FKBP8: variants seen among roughly 807,000 people sequenced by gnomAD.
The protein encoded by FKBP8 is FKBP prolyl isomerase 8.
In FKBP8, 5 loss-of-function variants were observed where a neutral mutation model predicts 41.7. The observed-to-expected ratio is 0.12, with a 90% confidence interval of 0.06 to 0.25. FKBP8 has a LOEUF of 0.25. Ranked by LOEUF, FKBP8 falls within the 10% of genes least tolerant of loss-of-function variation. The pLI, the probability that FKBP8 is intolerant of heterozygous loss-of-function variation, is 1.00. For missense variants in FKBP8, 397 were observed against 563.0 expected, an observed-to-expected ratio of 0.71 and a Z score of 2.98; for synonymous variants, 279 against 254.5, an observed-to-expected ratio of 1.10 and a Z score of -0.92.
At chr19:18,535,997 T>G (rs1976566680) in intron 6 of FKBP8, 3 of 151,794 alleles carry the variant, frequency 2.0e-5, no homozygotes. Flanking sequence ...AGGTCCAAAC[T>G]TGTATGAAGC....
chr19:18,532,993 A>G (rs1403096350), intron 7 of FKBP8, 198 bp from the exon 8 acceptor site: 12 of 898,272 alleles, frequency 1.3e-5, no homozygotes, highest in South Asian at 1.8e-5. Flanking sequence ...CGCAGAGCAC[A>G]AGGTAGCCAG....
chr19:18,540,338 T>C (rs925677238), intron 2 of FKBP8, among the ~76,000 whole-genome samples: 1 of 152,122 alleles, frequency 6.6e-6, no homozygotes, highest in African/African-American at 2.4e-5. Context: ...TGGTGGCTCA[T>C]GCCTGTAATC....
rs11541427 is a variant in FKBP8, at chr19:18,541,815, C to T, written c.156G>A (p.Leu52=). ...GTTGTCCCATGTCCTCCAGCGGTGGCAGCTCACTCAGGTCATCCTCTTCCT... is the reference window on the plus strand; with the variant it reads ...GTTGTCCCATGTCCTCCAGCGGTGGTAGCTCACTCAGGTCATCCTCTTCCT... ...EEEEEDDLSE[L]PPLEDMGQPP... Residue 52 remains leucine (L), a synonymous_variant, in exon 2 of 9, where the codon CTG becomes CTA. Transcript: ENST00000608443. 1.2e-6 allele frequency: 2 copies of T among 1,613,666 alleles called. No individual in the cohort carries two copies. Among genetic ancestry groups the T allele is most frequent in the Non-Finnish European group, 8.5e-7 (1 of 1,179,808 alleles).
At position 18,538,476 on chromosome 19, in the gene FKBP8, G is replaced by A; in HGVS notation, c.552-40C>T. On this transcript the variant is annotated intron_variant, in intron 4 of 8. Coordinates refer to ENST00000608443, the MANE Select transcript of FKBP8 (RefSeq NM_012181.5). The surrounding 1 kb of genome is among the most constrained non-coding windows in gnomAD (Gnocchi z 4.0). ...GCAGGCAGGGGCAGCACTCAGACCT[G>A]GTGACCCCTAAACCCGCTGGGCTGG... 1 of 1,565,456 alleles carries A rather than the reference G, an allele frequency of 6.4e-7. No homozygotes were observed. The highest frequency in any genetic ancestry group is 8.7e-7 in the Non-Finnish European group (1 of 1,150,312).
At chr19:18,532,832 C>G in intron 7 of FKBP8, 37 bp from the exon 8 acceptor site, 5 of 1,608,262 alleles carry the variant, frequency 3.1e-6, no homozygotes, top group Non-Finnish European at 4.2e-6. Flanking sequence ...CACGCAGCGG[C>G]CAACCTGTCA....
intron 6 of FKBP8, among the ~76,000 whole-genome samples, chr19:18,534,849 A>G (rs1976535168): frequency 6.6e-6 from 1 of 152,038 alleles, no homozygotes; most frequent in Non-Finnish European, 1.5e-5. Flanking sequence ...GTGCAGTGGC[A>G]CGATCTTGGC....
intron 4 of FKBP8, 44 bp downstream of exon 4, chr19:18,539,327 C>T (rs1376976975): frequency 6.5e-7 from 1 of 1,542,416 alleles, no homozygotes; most frequent in South Asian, 1.2e-5. Flanking sequence ...TCCACCCATC[C>T]CCCTCCTGAG....
At position 18,532,208 on chromosome 19, in the gene FKBP8, C is replaced by A. The variant is rs754142498; in HGVS notation, c.1203G>T (p.Gly401=). The A allele has an allele frequency of 1.2e-6, 2 of 1,610,004 alleles. No individual in the cohort carries two copies. The highest frequency in any genetic ancestry group is 2.2e-5 in the South Asian group (2 of 89,878). The stretch of plus-strand genomic sequence containing the variant: ...CGATGACCACAGAGAGTGCCACACC[C>A]CCCAAGGCAACAGCAGTCGCCCCAA... ...WLFGATAVAL[G]GVALSVVIAA... The change falls in exon 9 of 9, where the codon GGG becomes GGT. Residue 401 remains glycine (G), a synonymous_variant. Coordinates refer to ENST00000608443, the MANE Select transcript of FKBP8 (RefSeq NM_012181.5).
chr19:18,539,770 C>A lies in FKBP8; in HGVS notation c.293-50G>T, dbSNP rs376341358. The stretch of plus-strand genomic sequence containing the variant: ...CCTGTCACCTGGCAGCTCAAACAGG[C>A]ACCCGCTCCCCTGAGCCCCCACTCC... On this transcript the variant is annotated intron_variant, in intron 2 of 8. Transcript: ENST00000608443. The A allele has an allele frequency of 3.1e-6, 5 of 1,589,768 alleles. No homozygotes were observed. In the Admixed American group the frequency reaches 8.4e-5, roughly 27 times the overall value.
intron 3 of FKBP8, 33 bp downstream of exon 3, chr19:18,539,518 C>T (rs764989413): frequency 2.5e-6 from 4 of 1,611,274 alleles, no homozygotes; most frequent in East Asian, 2.2e-5. Flanking sequence ...AGGCACGCCC[C>T]TCGCCCCTGC....
In FKBP8 at chr19:18,532,147, G is replaced by C. The variant is rs762295462; in HGVS notation, c.*22C>G. 8 of 1,567,614 alleles carry C rather than the reference G, an allele frequency of 5.1e-6. No homozygotes were observed. The African/African-American group carries it at 5.4e-5, about 11-fold the overall frequency. On this transcript the variant is annotated 3_prime_UTR_variant, in exon 9 of 9. Transcript: ENST00000608443. ...AGGGCAGGGTCCATGGTGTGCAGAG[G>C]GGGTGGCAGCCACCTAGGTGGTCAG...
At chr19:18,533,737 T>C (rs1976503137) in intron 6 of FKBP8, among the ~76,000 whole-genome samples, 1 of 149,672 alleles carries the variant, frequency 6.7e-6, no homozygotes, top group Non-Finnish European at 1.5e-5. Flanking sequence ...TCGGGCGCAG[T>C]GGCTCATGCC....
chr19:18,539,607 G>C lies in FKBP8; in HGVS notation c.406C>G (p.Arg136Gly). ...ACCAGCTCCGGCTCCTCCTGCACCC[G>C]TGTGCCATTCTCCAGCGACGTCTGC... ...HLQTSLENGTRVQEEPELVFT... is the reference protein window; with the variant it reads ...HLQTSLENGTGVQEEPELVFT... Residue 136 changes from arginine (R) to glycine (G), a missense_variant, in exon 3 of 9, where the codon CGG (arginine) becomes GGG (glycine). Arg to Gly is a moderately radical substitution (Grantham distance 125). Transcript: ENST00000608443. 1 of 1,613,172 alleles carries C rather than the reference G, an allele frequency of 6.2e-7. No homozygotes were observed. Among genetic ancestry groups the C allele is most frequent in the East Asian group, 2.2e-5 (1 of 44,886 alleles).
intron 6 of FKBP8, among the ~76,000 whole-genome samples, chr19:18,534,570 GGTT>G (rs1226664169): frequency 3.3e-5 from 5 of 151,718 alleles, no homozygotes; most frequent in Admixed American, 2.0e-4. Flanking sequence ...TGCTTCCAGA[GGTT>G]GTTGTTTTTT....
At chr19:18,542,153 C>T in intron 1 of FKBP8, 158 bp from the exon 2 acceptor site, 4 of 1,109,698 alleles carry the variant, frequency 3.6e-6, no homozygotes, top group Non-Finnish European at 4.9e-6. Context: ...ACAACCCCAG[C>T]TTGTTGGGAG....
intron 1 of FKBP8, chr19:18,542,639 C>A: frequency 7.5e-6 from 2 of 266,684 alleles, no homozygotes; most frequent in Non-Finnish European, 1.5e-5. Context: ...CCCCCACAAC[C>A]CCAACATCAG....
chr19:18,537,503 C>T lies in FKBP8; in HGVS notation c.945+98G>A. The T allele has an allele frequency of 8.4e-7, 1 of 1,189,500 alleles. No individual in the cohort carries two copies. The highest frequency in any genetic ancestry group is 1.1e-6 in the Non-Finnish European group (1 of 882,642). 73.7% of individuals were successfully genotyped at this position (1,189,500 alleles called of 1,614,324 possible). On this transcript the variant is annotated intron_variant, in intron 6 of 8. Transcript: ENST00000608443. The surrounding 1 kb of genome is among the most constrained non-coding windows in gnomAD (Gnocchi z 4.4). Reference sequence around the variant, plus strand: ...TCCACCTGCACCCCACAGAGCTCAGCTGGCTTATATACCTATGCCTTTCTC... The same window carrying T: ...TCCACCTGCACCCCACAGAGCTCAGTTGGCTTATATACCTATGCCTTTCTC...
Position 18,539,300 on chromosome 19 carries a change from C to A in FKBP8, c.551+71G>T, listed in dbSNP as rs1303991388. ...AAAATGGGCAAGTAGATGGGGTGAG[C>A]CGAGGGGTACACCCACTCCACCCAT... On this transcript the variant is annotated intron_variant, in intron 4 of 8. Transcript: ENST00000608443. 3.7e-6 allele frequency: 5 copies of A among 1,355,074 alleles called. No homozygotes were observed. In the Admixed American group the frequency reaches 7.9e-5, roughly 22 times the overall value. 83.9% of individuals were successfully genotyped at this position (1,355,074 alleles called of 1,614,324 possible). A position where few individuals can be genotyped will look rare whatever the true frequency, so the allele number is the denominator to read the frequency against.
Position 18,538,556 on chromosome 19 carries a change from A to G in FKBP8, c.552-120T>C, listed in dbSNP as rs2145190596. Reference sequence around the variant, plus strand: ...CCGATCTGTCTCCCCTCTGCCCTCCATCATTCCCTCCTCAGTAAAGTGCAG... The same window carrying G: ...CCGATCTGTCTCCCCTCTGCCCTCCGTCATTCCCTCCTCAGTAAAGTGCAG... On this transcript the variant is annotated intron_variant, in intron 4 of 8. Coordinates refer to ENST00000608443, the MANE Select transcript of FKBP8 (RefSeq NM_012181.5). The surrounding 1 kb of genome is among the most constrained non-coding windows in gnomAD (Gnocchi z 4.0). 2.6e-6 allele frequency: 2 copies of G among 783,560 alleles called. No homozygotes were observed. Among genetic ancestry groups the G allele is most frequent in the East Asian group, 5.4e-5 (2 of 36,794 alleles). The allele number at this position is 783,560 out of a possible 1,614,324, so 48.5% of individuals were successfully genotyped here.
Sources: gnomAD v4.1 joint callset for allele counts (sites outside exome capture counted in the v4.1 genomes callset) on GRCh38, gnomAD v4.1.1 for gene constraint, Gnocchi (gnomAD v3.1) non-coding constraint, MANE v1.5 for transcripts, NCBI Gene and HGNC (gene_info 2026-07-23, HGNC 2026-07-21) for gene names.